The following IGF2BP3 variants were observed in gnomAD, a reference collection of about 807,000 sequenced individuals.
IGF2BP3 encodes the protein insulin like growth factor 2 mRNA binding protein 3.
Under a neutral mutation model 73.8 loss-of-function variants are expected in IGF2BP3, and 9 were observed. That is an observed-to-expected ratio of 0.12 (90% CI 0.07 to 0.21). The LOEUF (loss-of-function observed/expected upper bound fraction) is 0.21, where lower values mean the gene tolerates loss of function less well. IGF2BP3 is among the 10% of genes least tolerant of loss of function. The pLI, the probability that IGF2BP3 is intolerant of heterozygous loss-of-function variation, is 1.00. For synonymous variants in IGF2BP3, 258 were observed against 256.7 expected (o/e 1.01, Z -0.05); for missense variants, 542 against 714.0 (o/e 0.76, Z 2.75).
intron 10 of IGF2BP3, among the ~76,000 whole-genome samples, chr7:23,341,388 C>T (rs953860816): frequency 1.3e-5 from 2 of 152,052 alleles, no homozygotes; most frequent in Non-Finnish European, 2.9e-5. Flanking sequence ...TAATTACTGG[C>T]CAGGTAATAG....
intron 2 of IGF2BP3, among the ~76,000 whole-genome samples, chr7:23,434,653 CAA>C (rs1445100273): frequency 5.9e-5 from 9 of 152,116 alleles, no homozygotes; most frequent in Non-Finnish European, 1.2e-4. Context: ...TCTTTTCTCC[CAA>C]GATATAATTT....
chr7:23,378,401 G>GGTTTTTTTTTTTTTT lies in IGF2BP3; in HGVS notation c.286-16661_286-16660insAAAAAAAAAAAAAAC, dbSNP rs1785795022. Among the ~76,000 whole-genome samples the GGTTTTTTTTTTTTTT allele has an allele frequency of 2.3e-5, 3 of 128,064 alleles. No individual in the cohort carries two copies. The East Asian group carries it at 6.4e-4, about 27-fold the overall frequency. The allele number at this position is 128,064 out of a possible 152,430, so 84.0% of individuals were successfully genotyped here. On this transcript the variant is annotated intron_variant, in intron 3 of 14. Transcript: ENST00000258729. ...AGGAAAATAGACATTTCTCTTCTTGGTTTTTTTTTGAGACAGAGTCTCGCT... is the reference window on the plus strand; with the variant it reads ...AGGAAAATAGACATTTCTCTTCTTGGGTTTTTTTTTTTTTTTTTTTTTTTGAGACAGAGTCTCGCT...
At chr7:23,407,608 C>T (rs1786877144) in intron 3 of IGF2BP3, among the ~76,000 whole-genome samples, 1 of 111,528 alleles carries the variant, frequency 9.0e-6, no homozygotes, top group African/African-American at 3.4e-5. Context: ...AACTCTGTCT[C>T]CAAAAAAAAA....
intron 10 of IGF2BP3, among the ~76,000 whole-genome samples, chr7:23,341,742 C>T (rs747182814): frequency 6.7e-6 from 1 of 149,846 alleles, no homozygotes; most frequent in Non-Finnish European, 1.5e-5. Context: ...CACATGTATC[C>T]GAGAACTTAG....
At chr7:23,458,995 G>A (rs1584067673) in intron 2 of IGF2BP3, among the ~76,000 whole-genome samples, 1 of 152,210 alleles carries the variant, frequency 6.6e-6, no homozygotes, top group Admixed American at 6.5e-5. Context: ...ATGATTATCT[G>A]GAGGGCCTTA....
At position 23,423,273 on chromosome 7, in the gene IGF2BP3, G is replaced by C. The variant is rs965548392; in HGVS notation, c.237-4449C>G. ...CAGCACAGATAAATACAAACTTCTG[G>C]CATGGAAAGAACTGGAGAAAAATCT... is the stretch of plus-strand genomic sequence containing the variant. On this transcript the variant is annotated intron_variant, in intron 2 of 14. Coordinates refer to ENST00000258729, the MANE Select transcript of IGF2BP3 (RefSeq NM_006547.3). 4.6e-5 allele frequency among the ~76,000 whole-genome samples: 7 copies of C among 152,152 alleles called. No homozygotes were observed. In the East Asian group the frequency reaches 5.8e-4, roughly 13 times the overall value.
chr7:23,458,668 T>C (rs1344086485), intron 2 of IGF2BP3, among the ~76,000 whole-genome samples: 2 of 152,110 alleles, frequency 1.3e-5, no homozygotes, highest in Non-Finnish European at 2.9e-5. Context: ...ATGAAGCTAC[T>C]AAAAAACACA....
intron 10 of IGF2BP3, among the ~76,000 whole-genome samples, chr7:23,337,323 CTCTT>C (rs1421050258): frequency 1.3e-5 from 2 of 152,252 alleles, no homozygotes; most frequent in East Asian, 3.9e-4. Context: ...ATGGTGTTTT[CTCTT>C]TATTTAGATG....
At chr7:23,421,577 G>A (rs987300721) in intron 2 of IGF2BP3, among the ~76,000 whole-genome samples, 6 of 150,390 alleles carry the variant, frequency 4.0e-5, no homozygotes, top group Non-Finnish European at 8.9e-5. Context: ...CTGTAATCCC[G>A]GCTACTCGGG....
At chr7:23,397,412 GACAGGAGCCATGA>G (rs1193759772) in intron 3 of IGF2BP3, among the ~76,000 whole-genome samples, 2 of 152,232 alleles carry the variant, frequency 1.3e-5, no homozygotes, top group Non-Finnish European at 2.9e-5. Context: ...TCAAGCCTGA[GACAGGAGCCATGA>G]ACTAGCACCA....
intron 2 of IGF2BP3, among the ~76,000 whole-genome samples, chr7:23,428,366 G>C (rs186072176): frequency 7.1e-4 from 108 of 151,952 alleles, no homozygotes; most frequent in African/African-American, 2.5e-3. Context: ...CAGCTACTCA[G>C]GAGGCTGAGG....
chr7:23,384,658 A>C (rs1437068082), intron 3 of IGF2BP3, among the ~76,000 whole-genome samples: 2 of 152,132 alleles, frequency 1.3e-5, no homozygotes, highest in Non-Finnish European at 2.9e-5. Flanking sequence ...GGGGAGGCAG[A>C]GGCAGGCAGG....
In IGF2BP3 at chr7:23,343,194, C is replaced by T. The variant is rs17148036; in HGVS notation, c.1077+524G>A. Among the ~76,000 whole-genome samples, 824 of 152,250 alleles carry T rather than the reference C, an allele frequency of 5.4e-3. 8 individuals are homozygous for T. The highest frequency in any genetic ancestry group is 0.018 in the African/African-American group (745 of 41,540). On this transcript the variant is annotated intron_variant, in intron 9 of 14. Coordinates refer to ENST00000258729, the MANE Select transcript of IGF2BP3 (RefSeq NM_006547.3). ...GTATCTCCAAGGTTTATATGGCTAA[C>T]CAAGTTTTAAACCTGTAATCTTAAC...
chr7:23,380,311 T>C (rs1785869219), intron 3 of IGF2BP3, among the ~76,000 whole-genome samples: 1 of 151,948 alleles, frequency 6.6e-6, no homozygotes, highest in Non-Finnish European at 1.5e-5. Context: ...TACAAGTGCC[T>C]GCCACCGTGC....
chr7:23,368,599 T>A (rs565287169), intron 3 of IGF2BP3, among the ~76,000 whole-genome samples: 1 of 152,202 alleles, frequency 6.6e-6, no homozygotes, highest in South Asian at 2.1e-4. Context: ...TGGTTGCACG[T>A]ATCTATTAAC....
chr7:23,337,515 T>C (rs1784604090), intron 10 of IGF2BP3, among the ~76,000 whole-genome samples: 3 of 152,180 alleles, frequency 2.0e-5, no homozygotes, highest in African/African-American at 7.2e-5. Flanking sequence ...CAACATGTAT[T>C]TTCCTTTAGT....
At chr7:23,400,196 A>G (rs1193587023) in intron 3 of IGF2BP3, among the ~76,000 whole-genome samples, 4 of 152,246 alleles carry the variant, frequency 2.6e-5, no homozygotes, top group Non-Finnish European at 5.9e-5. Flanking sequence ...CCAAAGTATT[A>G]TATTACTTTT....
At chr7:23,389,541 C>A (rs1030498041) in intron 3 of IGF2BP3, among the ~76,000 whole-genome samples, 1 of 147,008 alleles carries the variant, frequency 6.8e-6, no homozygotes, top group Admixed American at 6.8e-5. Context: ...ATATTCAGTA[C>A]TGTTTTTTTT....
At chr7:23,332,665 G>A (rs571942806) in intron 10 of IGF2BP3, among the ~76,000 whole-genome samples, 1 of 152,258 alleles carries the variant, frequency 6.6e-6, no homozygotes, top group African/African-American at 2.4e-5. Context: ...TCTCTCTTTG[G>A]AAGATACTAT....
Sources: allele counts gnomAD v4.1 joint callset (sites outside exome capture counted in the v4.1 genomes callset), GRCh38; gene constraint gnomAD v4.1.1; transcripts MANE v1.5; gene names NCBI Gene and HGNC (gene_info 2026-07-23, HGNC 2026-07-21).